Variants in FARSB observed in about 807,000 individuals in gnomAD.
FARSB encodes the protein phenylalanyl-tRNA synthetase subunit beta, also known as phenylalanine--tRNA ligase beta subunit.
In FARSB, 40 loss-of-function variants were observed where a neutral mutation model predicts 69.6. That is an observed-to-expected ratio of 0.57 (90% CI 0.45 to 0.75). FARSB has a LOEUF of 0.75. FARSB is among the 30% of genes least tolerant of loss of function. The probability of loss-of-function intolerance (pLI) is 0.00; values close to 1 mark genes in which losing one functional copy is unlikely to be tolerated. For missense variants in FARSB, 632 were observed against 722.9 expected (o/e 0.87, Z 1.44); for synonymous variants, 235 against 247.2 (o/e 0.95, Z 0.46).
chr2:222,643,921 C>T (rs745367062), intron 2 of FARSB, among the ~76,000 whole-genome samples: 1 of 152,190 alleles, frequency 6.6e-6, no homozygotes, highest in Non-Finnish European at 1.5e-5. Context: ...CTTATGTTTA[C>T]TACAGCAGGG....
chr2:222,639,099 G>T (rs1235397677), intron 5 of FARSB, among the ~76,000 whole-genome samples: 1 of 152,166 alleles, frequency 6.6e-6, no homozygotes, highest in African/African-American at 2.4e-5. Context: ...GTAAAATTTA[G>T]TCATTTAAAC....
At chr2:222,613,449 G>A (rs1012320296) in intron 15 of FARSB, among the ~76,000 whole-genome samples, 18 of 152,182 alleles carry the variant, frequency 1.2e-4, no homozygotes, top group African/African-American at 4.1e-4. Context: ...GGAGGCTGAG[G>A]CACAAGTATC....
intron 7 of FARSB, 39 bp downstream of exon 7, chr2:222,633,160 G>A (rs1471462160): frequency 8.1e-6 from 8 of 993,598 alleles, no homozygotes; most frequent in South Asian, 1.3e-5. Flanking sequence ...AGATTAAAAG[G>A]AAACAGCAAA....
chr2:222,655,896 C>A (rs986111099), intron 1 of FARSB, 120 bp downstream of exon 1: 4 of 796,170 alleles, frequency 5.0e-6, no homozygotes, highest in Non-Finnish European at 8.5e-6. Context: ...CCCGCGTAAA[C>A]CCCGGCCTCC....
chr2:222,607,379 AT>A (rs1559200287), intron 15 of FARSB, among the ~76,000 whole-genome samples: 1 of 152,246 alleles, frequency 6.6e-6, no homozygotes, highest in Non-Finnish European at 1.5e-5. Context: ...AAATCTAAAC[AT>A]TCATAACAAT....
Position 222,624,421 on chromosome 2 carries a change from T to A in FARSB, c.1021A>T (p.Ile341Leu). The change falls in exon 12 of 17, where the codon ATA becomes TTA. Residue 341 changes from isoleucine to leucine, a missense_variant. Coordinates refer to ENST00000281828, the MANE Select transcript of FARSB (RefSeq NM_005687.5). ...LTRMYLKSEV[I>L]GDGNQIEIEI... ...ATCTCAATCTGATTCCCATCACCTA[T>A]GACTTCTGATTTTAAATACATCCTG... 2 of 1,613,536 alleles carry A rather than the reference T, an allele frequency of 1.2e-6. No homozygotes were observed. The highest frequency in any genetic ancestry group is 1.1e-5 in the South Asian group (1 of 91,074).
chr2:222,626,513 C>G (rs1454634792), intron 10 of FARSB, among the ~76,000 whole-genome samples: 2 of 152,058 alleles, frequency 1.3e-5, no homozygotes, highest in African/African-American at 4.8e-5. Context: ...AAAAGCTGTT[C>G]TAATTTAAGT....
At chr2:222,626,044 C>T (rs757962822) in intron 10 of FARSB, among the ~76,000 whole-genome samples, 43 of 151,940 alleles carry the variant, frequency 2.8e-4, no homozygotes, top group Non-Finnish European at 5.2e-4. Flanking sequence ...GTCAGGAGTT[C>T]GAGACCAGCC....
intron 16 of FARSB, among the ~76,000 whole-genome samples, chr2:222,594,840 G>A (rs1346344892): frequency 2.6e-5 from 4 of 152,166 alleles, no homozygotes; most frequent in Non-Finnish European, 5.9e-5. Context: ...TTTGCCTTGT[G>A]CATACAAGAG....
intron 9 of FARSB, among the ~76,000 whole-genome samples, chr2:222,629,608 C>T (rs912299068): frequency 3.9e-5 from 6 of 152,110 alleles, no homozygotes; most frequent in East Asian, 1.9e-4. Flanking sequence ...TACAAACAGC[C>T]GGAATATCAC....
chr2:222,626,714 C>T (rs918770916), intron 10 of FARSB, among the ~76,000 whole-genome samples: 2 of 152,078 alleles, frequency 1.3e-5, no homozygotes, highest in Non-Finnish European at 2.9e-5. Flanking sequence ...TATATAATCA[C>T]TTTTATTAAC....
intron 10 of FARSB, among the ~76,000 whole-genome samples, chr2:222,626,045 G>A (rs1015183151): frequency 3.3e-5 from 5 of 152,124 alleles, no homozygotes; most frequent in East Asian, 3.9e-4. Flanking sequence ...TCAGGAGTTC[G>A]AGACCAGCCT....
intron 2 of FARSB, among the ~76,000 whole-genome samples, chr2:222,644,001 G>A (rs775937599): frequency 2.0e-5 from 3 of 152,060 alleles, no homozygotes; most frequent in South Asian, 2.1e-4. Flanking sequence ...TTAATGTTAC[G>A]CTTTAATTAT....
At chr2:222,609,327 T>A (rs1438256791) in intron 15 of FARSB, among the ~76,000 whole-genome samples, 2 of 152,256 alleles carry the variant, frequency 1.3e-5, no homozygotes, top group African/African-American at 4.8e-5. Flanking sequence ...CTATTTTGTT[T>A]ATAGTTTAGT....
At chr2:222,631,372 A>G (rs1428730069) in intron 8 of FARSB, among the ~76,000 whole-genome samples, 1 of 152,236 alleles carries the variant, frequency 6.6e-6, no homozygotes, top group Non-Finnish European at 1.5e-5. Context: ...GTAACTCATT[A>G]TTAAATTCTT....
At chr2:222,606,907 T>A (rs889325440) in intron 15 of FARSB, among the ~76,000 whole-genome samples, 1 of 152,192 alleles carries the variant, frequency 6.6e-6, no homozygotes, top group Admixed American at 6.5e-5. Flanking sequence ...AGAAAACCTA[T>A]TGGGAGACCA....
intron 16 of FARSB, among the ~76,000 whole-genome samples, chr2:222,588,957 T>G (rs1391383057): frequency 6.6e-6 from 1 of 152,170 alleles, no homozygotes; most frequent in Non-Finnish European, 1.5e-5. Flanking sequence ...ATAGATTCAA[T>G]GCCATCCCCA....
Position 222,593,197 on chromosome 2 carries a change from C to T in FARSB, c.1618+6731G>A, listed in dbSNP as rs568250566. Among the ~76,000 whole-genome samples the T allele has an allele frequency of 6.6e-5, 10 of 151,844 alleles. No individual in the cohort carries two copies. In the East Asian group the frequency reaches 7.7e-4, roughly 12 times the overall value. ...GAACTGGTTCTTAGAGGAAAAGGGG[C>T]GGGGCAGGGGGGTATGAAAAAAATC... On this transcript the variant is annotated intron_variant, in intron 16 of 16. Transcript: ENST00000281828.
At chr2:222,612,440 C>T (rs1240057577) in intron 15 of FARSB, among the ~76,000 whole-genome samples, 1 of 152,294 alleles carries the variant, frequency 6.6e-6, no homozygotes. Flanking sequence ...GAGAGTTTGC[C>T]ATGGACAGTA....
Sources: allele counts gnomAD v4.1 joint callset (sites outside exome capture counted in the v4.1 genomes callset), GRCh38; gene constraint gnomAD v4.1.1; transcripts MANE v1.5; gene names NCBI Gene and HGNC (gene_info 2026-07-23, HGNC 2026-07-21).